Variants in TMEM259 observed in about 807,000 individuals in gnomAD.
TMEM259 encodes membralin.
A neutral mutation model predicts 46.7 loss-of-function variants in TMEM259; 26 were observed. That is an observed-to-expected ratio of 0.56 (90% confidence interval 0.41 to 0.77). The LOEUF (loss-of-function observed/expected upper bound fraction) is 0.77. TMEM259 is among the 30% of genes least tolerant of loss of function. The pLI, the probability that TMEM259 is intolerant of heterozygous loss-of-function variation, is 0.00. For synonymous variants in TMEM259, 494 were observed against 395.1 expected (o/e 1.25, Z -2.97); for missense variants, 930 against 900.5 (o/e 1.03, Z -0.42).
chr19:1,012,055 G>A lies in TMEM259; in HGVS notation c.841+11C>T, dbSNP rs1568401701. 1 of 1,611,858 alleles carries A rather than the reference G, an allele frequency of 6.2e-7. No individual in the cohort carries two copies. The highest frequency in any genetic ancestry group is 1.3e-5 in the African/African-American group (1 of 74,994). ...GCGCCCTCGCACCCTCGGCCCCGGG[G>A]CATGCCTCACCCTTGTTCTCCTCGT... On this transcript the variant is annotated intron_variant, in intron 5 of 10. Coordinates refer to ENST00000356663, the MANE Select transcript of TMEM259 (RefSeq NM_001033026.2).
chr19:1,013,413 C>A (rs1387334071), intron 2 of TMEM259, 73 bp from the exon 3 acceptor site: 2 of 1,471,454 alleles, frequency 1.4e-6, no homozygotes, highest in Non-Finnish European at 1.9e-6. Flanking sequence ...AGGATACAGT[C>A]CTGCTAATGG....
intron 1 of TMEM259, among the ~76,000 whole-genome samples, chr19:1,015,358 G>A (rs368709495): frequency 1.1e-4 from 17 of 152,294 alleles, no homozygotes; most frequent in South Asian, 4.1e-4. Flanking sequence ...GATGCTGCTC[G>A]GCACCCCGCA....
At position 1,010,396 on chromosome 19, in the gene TMEM259, G is replaced by T. The variant is rs764346419; in HGVS notation, c.1817C>A (p.Pro606Gln). The T allele has an allele frequency of 4.3e-5, 65 of 1,511,170 alleles. No individual in the cohort carries two copies. The highest frequency in any genetic ancestry group is 5.4e-5 in the Non-Finnish European group (61 of 1,136,322). 93.6% of individuals were successfully genotyped at this position (1,511,170 alleles called of 1,614,324 possible). The part of the protein sequence containing the change: ...PLGAAVGGPS[P>Q]ASMAPTEAPS... The stretch of plus-strand genomic sequence containing the variant: ...CGCCTCCGTTGGGGCCATGGAGGCC[G>T]GGCTAGGCCCGCCTACCGCAGCCCC... The change falls in exon 11 of 11, where the codon CCG becomes CAG. Residue 606 changes from proline to glutamine, a missense_variant. Coordinates refer to ENST00000356663, the MANE Select transcript of TMEM259 (RefSeq NM_001033026.2).
In TMEM259 at chr19:1,018,957, C is replaced by T. The variant is rs144396523; in HGVS notation, c.225+1815G>A. On this transcript the variant is annotated intron_variant, in intron 1 of 10. Transcript: ENST00000356663. The stretch of plus-strand genomic sequence containing the variant: ...GAGCCGAGATCAAACCACTGCACTC[C>T]AGCCTGGGTGACAGAGCAAGACTCC... Among the ~76,000 whole-genome samples, 477 of 150,048 alleles carry T rather than the reference C, an allele frequency of 3.2e-3. 5 individuals carry two copies. The highest frequency in any genetic ancestry group is 0.011 in the African/African-American group (457 of 40,706).
At chr19:1,012,637 G>A (rs1162485268) in intron 3 of TMEM259, 64 bp from the exon 4 acceptor site, 24 of 1,526,164 alleles carry the variant, frequency 1.6e-5, no homozygotes, top group Non-Finnish European at 1.3e-5. Context: ...ACTGCCAGCA[G>A]GCAAGGCAGG....
At position 1,011,958 on chromosome 19, in the gene TMEM259, G is replaced by A; in HGVS notation, c.876C>T (p.Tyr292=). Residue 292 remains tyrosine, a synonymous_variant, in exon 6 of 11, where the codon TAC becomes TAT. Transcript: ENST00000356663. The part of the protein sequence containing the change: ...FLRNVVSGEH[Y]RFVSMWMART... ...GCGCCATCCACATGCTCACAAAGCGGTAGTGCTCGCCCGACACCACATTCC... is the reference window on the plus strand; with the variant it reads ...GCGCCATCCACATGCTCACAAAGCGATAGTGCTCGCCCGACACCACATTCC... 3 of 1,612,338 alleles carry A rather than the reference G, an allele frequency of 1.9e-6. No homozygotes were observed. Among genetic ancestry groups the A allele is most frequent in the African/African-American group, 1.3e-5 (1 of 75,010 alleles).
intron 1 of TMEM259, among the ~76,000 whole-genome samples, chr19:1,017,606 C>T (rs1486708884): frequency 1.3e-5 from 2 of 152,184 alleles, no homozygotes; most frequent in African/African-American, 4.8e-5. Flanking sequence ...AGCCTGGGGC[C>T]GTGCTCACCG....
rs761935720 is a variant in TMEM259, at chr19:1,012,181, C to T, written c.726G>A (p.Thr242=). 6.9e-6 allele frequency: 11 copies of T among 1,601,306 alleles called. No homozygotes were observed. The highest frequency in any genetic ancestry group is 6.8e-5 in the Admixed American group (4 of 58,526). ...IPVMVVTLDP[T]RDQCFGDRFS... The stretch of plus-strand genomic sequence containing the variant: ...AGCGGTCCCCGAAGCACTGGTCCCG[C>T]GTGGGGTCTGCGGGTGGGTGAATCA... The change falls in exon 5 of 11, where the codon ACG becomes ACA. Residue 242 remains threonine (T), a synonymous_variant. Coordinates refer to ENST00000356663, the MANE Select transcript of TMEM259 (RefSeq NM_001033026.2).
chr19:1,020,757 CG>C lies in TMEM259; in HGVS notation c.225+14del, dbSNP rs1283982007. On this transcript the variant is annotated intron_variant, in intron 1 of 10. Transcript: ENST00000356663. The surrounding 1 kb of genome is among the most constrained non-coding windows in gnomAD (Gnocchi z 4.0). ...GCCGCTGGGGTCAAGGGTCGGGGGT[CG>C]GGGCCGCGGTCACCTTGAGCAGCAC... is the stretch of plus-strand genomic sequence containing the variant. 3.1e-6 allele frequency: 4 copies of C among 1,300,946 alleles called. No individual in the cohort carries two copies. Among genetic ancestry groups the C allele is most frequent in the Non-Finnish European group, 2.9e-6 (3 of 1,017,396 alleles). 80.6% of individuals were successfully genotyped at this position (1,300,946 alleles called of 1,614,324 possible). A position where few individuals can be genotyped will look rare whatever the true frequency, so the allele number is the denominator to read the frequency against.
intron 1 of TMEM259, among the ~76,000 whole-genome samples, chr19:1,019,951 G>T (rs368910132): frequency 6.6e-6 from 1 of 152,178 alleles, no homozygotes; most frequent in Non-Finnish European, 1.5e-5. Flanking sequence ...TCAGGCCGAT[G>T]CCTGTCCTGC....
chr19:1,016,960 C>G (rs2039131661), intron 1 of TMEM259, among the ~76,000 whole-genome samples: 3 of 152,220 alleles, frequency 2.0e-5, no homozygotes, highest in Non-Finnish European at 4.4e-5. Context: ...TCAGACGTCA[C>G]TGTGTCTCTG....
At chr19:1,013,936 G>A (rs900900654) in intron 2 of TMEM259, among the ~76,000 whole-genome samples, 1 of 152,044 alleles carries the variant, frequency 6.6e-6, no homozygotes, top group Middle Eastern at 3.2e-3. Flanking sequence ...TCAAAGGCCC[G>A]AGTCTGCCCA....
In TMEM259 at chr19:1,010,379, T is replaced by C. The variant is rs954263233; in HGVS notation, c.1834A>G (p.Thr612Ala). ...GACCCCACCTCCGAGGGCGCCTCCG[T>C]TGGGGCCATGGAGGCCGGGCTAGGC... ...GGPSPASMAP[T>A]EAPSEVGS The change falls in exon 11 of 11, where the codon ACG becomes GCG. Residue 612 changes from threonine (T) to alanine (A), a missense_variant. Coordinates refer to ENST00000356663, the MANE Select transcript of TMEM259 (RefSeq NM_001033026.2). 30 of 1,505,706 alleles carry C rather than the reference T, an allele frequency of 2.0e-5. No individual in the cohort carries two copies. The highest frequency in any genetic ancestry group is 2.0e-4 in the Middle Eastern group (1 of 5,128). 93.3% of individuals were successfully genotyped at this position (1,505,706 alleles called of 1,614,324 possible). A position where few individuals can be genotyped will look rare whatever the true frequency, so the allele number is the denominator to read the frequency against.
In TMEM259 at chr19:1,020,593, C is replaced by T. The variant is rs1247572958; in HGVS notation, c.225+179G>A. ...GGGGTCACGAGACGGTGTCCCTGGC[C>T]AATCCCAGGGTCAGAGGTCGCGAGG... On this transcript the variant is annotated intron_variant, in intron 1 of 10. Transcript: ENST00000356663. This position sits in a 1 kb window ranked among gnomAD's most constrained non-coding sequence, Gnocchi z 4.0. 6.6e-6 allele frequency among the ~76,000 whole-genome samples: 1 copy of T among 152,096 alleles called. No homozygotes were observed. The highest frequency in any genetic ancestry group is 1.5e-5 in the Non-Finnish European group (1 of 68,012).
chr19:1,014,422 A>C lies in TMEM259; in HGVS notation c.277T>G (p.Ser93Ala). 1 of 1,612,284 alleles carries C rather than the reference A, an allele frequency of 6.2e-7. No individual in the cohort carries two copies. Among genetic ancestry groups the C allele is most frequent in the Non-Finnish European group, 8.5e-7 (1 of 1,179,872 alleles). The change falls in exon 2 of 11, where the codon TCG becomes GCG. Residue 93 changes from serine to alanine, a missense_variant. Ser to Ala is a moderately conservative substitution (Grantham distance 99, BLOSUM62 1). Coordinates refer to ENST00000356663, the MANE Select transcript of TMEM259 (RefSeq NM_001033026.2). ...LAYIHIVFSR[S>A]PINCLEHVRD... ...ACATGCTCCAGGCAGTTGATGGGCGAGCGGGAGAAGACGATGTGGATGTAG... is the reference window on the plus strand; with the variant it reads ...ACATGCTCCAGGCAGTTGATGGGCGCGCGGGAGAAGACGATGTGGATGTAG...
chr19:1,011,336 C>CCACT (rs2038911280), intron 9 of TMEM259, 31 bp downstream of exon 9: 1 of 1,557,074 alleles, frequency 6.4e-7, no homozygotes, highest in Non-Finnish European at 8.7e-7. Context: ...CCACCAGCAC[C>CCACT]CACTCCACCC....
Position 1,013,130 on chromosome 19 carries a change from C to T in TMEM259, c.607+111G>A. 3 of 987,084 alleles carry T rather than the reference C, an allele frequency of 3.0e-6. No individual in the cohort carries two copies. In the East Asian group the frequency reaches 7.3e-5, roughly 24 times the overall value. 61.1% of individuals were successfully genotyped at this position (987,084 alleles called of 1,614,324 possible). On this transcript the variant is annotated intron_variant, in intron 3 of 10. Transcript: ENST00000356663. ...AGGCACGGGGGTGCCCTCAACGGTC[C>T]AGGACATGCAGCCAGCAGGCTGGGG... is the stretch of plus-strand genomic sequence containing the variant.
chr19:1,018,494 T>C (rs1490977594), intron 1 of TMEM259, among the ~76,000 whole-genome samples: 1 of 152,136 alleles, frequency 6.6e-6, no homozygotes, highest in African/African-American at 2.4e-5. Context: ...GAAGGGATCA[T>C]ACCAGGGAGG....
rs2038948149 is a variant in TMEM259 at position 1,011,988 on chromosome 19, G to A, written c.846C>T (p.Phe282=). 2 of 1,612,122 alleles carry A rather than the reference G, an allele frequency of 1.2e-6. No individual in the cohort carries two copies. The highest frequency in any genetic ancestry group is 2.2e-5 in the East Asian group (1 of 44,860). The part of the protein sequence containing the change: ...GLAENEENKG[F]LRNVVSGEHY... ...GCTCGCCCGACACCACATTCCGCAG[G>A]AAGCCTGCAGCAGAAGGAGCCGTGA... Residue 282 remains phenylalanine (F), a synonymous_variant, in exon 6 of 11, where the codon TTC becomes TTT. Coordinates refer to ENST00000356663, the MANE Select transcript of TMEM259 (RefSeq NM_001033026.2).
Sources: allele counts gnomAD v4.1 joint callset (sites outside exome capture counted in the v4.1 genomes callset), GRCh38; gene constraint gnomAD v4.1.1; non-coding constraint Gnocchi (gnomAD v3.1); transcripts MANE v1.5; gene names NCBI Gene and HGNC (gene_info 2026-07-23, HGNC 2026-07-21).